EPB41: variants seen among roughly 807,000 people sequenced by gnomAD.
EPB41 encodes erythrocyte membrane protein band 4.1.
Under a neutral mutation model 108.0 loss-of-function variants are expected in EPB41, and 65 were observed. The ratio of observed to expected loss-of-function variants is 0.60; its 90% CI spans 0.49 to 0.74. The LOEUF is 0.74. Ranked by LOEUF, EPB41 falls within the 30% of genes least tolerant of loss-of-function variation. EPB41 has a pLI of 0.00. For synonymous variants in EPB41, 336 were observed against 358.9 expected (o/e 0.94, Z 0.72); for missense variants, 875 against 1,037.0 (o/e 0.84, Z 2.15).
intron 1 of EPB41, among the ~76,000 whole-genome samples, chr1:28,953,293 A>G (rs1374319037): frequency 6.6e-6 from 1 of 150,628 alleles, no homozygotes; most frequent in Non-Finnish European, 1.5e-5. Context: ...GGTAGAGTTT[A>G]ATAGGTTTCT....
At chr1:28,907,168 G>A (rs892536281) in intron 1 of EPB41, among the ~76,000 whole-genome samples, 1 of 151,790 alleles carries the variant, frequency 6.6e-6, no homozygotes, top group Non-Finnish European at 1.5e-5. Flanking sequence ...GGGTTCAAGC[G>A]ATTCTTGTTA....
intron 16 of EPB41, among the ~76,000 whole-genome samples, chr1:29,093,953 C>A (rs1023318608): frequency 6.6e-6 from 1 of 152,128 alleles, no homozygotes; most frequent in African/African-American, 2.4e-5. Context: ...ATGCTATTGC[C>A]TAGGTTGTCT....
chr1:29,058,732 T>A, intron 13 of EPB41, 79 bp from the exon 14 acceptor site: 4 of 1,537,000 alleles, frequency 2.6e-6, no homozygotes, highest in Non-Finnish European at 3.5e-6. Context: ...TTAAAAAAAT[T>A]ATAAAATGAA....
chr1:29,002,657 A>C (rs1055934061), intron 4 of EPB41, among the ~76,000 whole-genome samples: 1 of 152,166 alleles, frequency 6.6e-6, no homozygotes, highest in Non-Finnish European at 1.5e-5. Context: ...TGGCAAGACT[A>C]TATGGCTTTA....
At chr1:28,964,310 G>A (rs2095304928) in intron 1 of EPB41, among the ~76,000 whole-genome samples, 1 of 152,114 alleles carries the variant, frequency 6.6e-6, no homozygotes, top group Admixed American at 6.6e-5. Context: ...TGGATGTGGT[G>A]GTGCGCCTGT....
chr1:28,908,549 A>T (rs2092015286), intron 1 of EPB41, among the ~76,000 whole-genome samples: 1 of 149,636 alleles, frequency 6.7e-6, no homozygotes, highest in African/African-American at 2.5e-5. Flanking sequence ...CTCCTGTCTC[A>T]GCCTCCTGAG....
upstream of EPB41, among the ~76,000 whole-genome samples, chr1:28,910,338 T>G (rs1008901734): frequency 6.6e-6 from 1 of 152,222 alleles, no homozygotes; most frequent in African/African-American, 2.4e-5. Context: ...TAACTGTGAT[T>G]TTTTATCCTG....
In EPB41 at chr1:28,992,700, T is replaced by C. The variant is rs138826384; in HGVS notation, c.469-630T>C. Among the ~76,000 whole-genome samples the C allele has an allele frequency of 4.3e-3, 655 of 152,174 alleles. 4 individuals carry two copies. The highest frequency in any genetic ancestry group is 0.015 in the African/African-American group (629 of 41,544). ...TGAGACTCCGTCTCAAAAAAAAATG[T>C]ATACCAAAAATGTTATCCTACTTAT... On this transcript the variant is annotated intron_variant, in intron 2 of 20. Coordinates refer to ENST00000343067, the MANE Select transcript of EPB41 (RefSeq NM_001376013.1).
chr1:28,927,630 C>G (rs1022211925), intron 1 of EPB41, among the ~76,000 whole-genome samples: 1 of 152,086 alleles, frequency 6.6e-6, no homozygotes, highest in Non-Finnish European at 1.5e-5. Flanking sequence ...GTTTTTATTG[C>G]TTTGATGAAA....
intron 11 of EPB41, among the ~76,000 whole-genome samples, chr1:29,047,799 T>A (rs994027924): frequency 5.6e-4 from 82 of 147,412 alleles, no homozygotes; most frequent in African/African-American, 2.0e-3. Flanking sequence ...TGTATGTATT[T>A]ATTTTTGAGG....
rs183264511 is a variant in EPB41, at chr1:28,917,745, T to A, written c.-8+2977T>A. On this transcript the variant is annotated intron_variant, in intron 1 of 20. Transcript: ENST00000343067. ...ACAGACGTGCACCACCATGCCCAGC[T>A]TTTTTTTTTCGTTTTTAAAACACGG... Among the ~76,000 whole-genome samples the A allele has an allele frequency of 2.4e-3, 352 of 147,882 alleles. 5 individuals are homozygous for A. The highest frequency in any genetic ancestry group is 8.4e-3 in the African/African-American group (339 of 40,346).
intron 16 of EPB41, chr1:29,097,558 C>G: frequency 3.8e-6 from 2 of 527,406 alleles, no homozygotes; most frequent in Non-Finnish European, 6.9e-6. Flanking sequence ...ACTGTCTGCT[C>G]TTACAGCTTT....
At chr1:28,995,992 T>C (rs2096164820) in intron 3 of EPB41, among the ~76,000 whole-genome samples, 2 of 152,338 alleles carry the variant, frequency 1.3e-5, no homozygotes, top group African/African-American at 4.8e-5. Flanking sequence ...GTCATATATG[T>C]TTGCCCAAAA....
intron 5 of EPB41, among the ~76,000 whole-genome samples, chr1:29,014,099 C>T (rs539584503): frequency 1.3e-5 from 2 of 151,618 alleles, no homozygotes; most frequent in Non-Finnish European, 2.9e-5. Context: ...GGTGGATCAC[C>T]TGAGGTCAGG....
In EPB41 at chr1:29,056,278, CAAAAA is replaced by C. The variant is rs549272078; in HGVS notation, c.1846-2305_1846-2301del. Among the ~76,000 whole-genome samples, 20 of 142,448 alleles carry C rather than the reference CAAAAA, an allele frequency of 1.4e-4. No homozygotes were observed. The South Asian group carries it at 4.0e-3, about 29-fold the overall frequency. The allele number at this position is 142,448 out of a possible 152,430, so 93.5% of individuals were successfully genotyped here. On this transcript the variant is annotated intron_variant, in intron 12 of 20. Coordinates refer to ENST00000343067, the MANE Select transcript of EPB41 (RefSeq NM_001376013.1). The stretch of plus-strand genomic sequence containing the variant: ...AACAACAAAACAAAACAAAACAAAA[CAAAAA>C]AAAAACTATGGCATTTACTTGAAGC...
intron 16 of EPB41, among the ~76,000 whole-genome samples, chr1:29,095,951 C>A (rs901558658): frequency 6.6e-6 from 1 of 152,020 alleles, no homozygotes; most frequent in Non-Finnish European, 1.5e-5. Flanking sequence ...GAAATAGGAC[C>A]AAACTTAGGT....
intron 16 of EPB41, chr1:29,069,259 C>T (rs1423489860): frequency 3.2e-6 from 4 of 1,231,530 alleles, no homozygotes; most frequent in African/African-American, 1.6e-5. Flanking sequence ...GCTAGCTCAA[C>T]TGAGAGAACT....
At chr1:29,089,809 C>T (rs1370650577) in intron 16 of EPB41, among the ~76,000 whole-genome samples, 1 of 151,982 alleles carries the variant, frequency 6.6e-6, no homozygotes, top group African/African-American at 2.4e-5. Context: ...GGGTTTTAAA[C>T]TAGAAAACTG....
chr1:29,042,671 G>A (rs1439361301), intron 11 of EPB41, among the ~76,000 whole-genome samples: 2 of 151,846 alleles, frequency 1.3e-5, no homozygotes, highest in Non-Finnish European at 2.9e-5. Flanking sequence ...TGGAGATGGG[G>A]TTTCACCATG....
Sources: gnomAD v4.1 joint callset for allele counts (sites outside exome capture counted in the v4.1 genomes callset) on GRCh38, gnomAD v4.1.1 for gene constraint, MANE v1.5 for transcripts, NCBI Gene and HGNC (gene_info 2026-07-23, HGNC 2026-07-21) for gene names.